The following CACNA2D1 variants were observed in gnomAD, a reference collection of about 807,000 sequenced individuals.
The protein encoded by CACNA2D1 is voltage-dependent calcium channel subunit alpha-2/delta-1.
In CACNA2D1, 53 loss-of-function variants were observed where a neutral mutation model predicts 171.5. That is an observed-to-expected ratio of 0.31 (90% CI 0.25 to 0.39). The LOEUF is 0.39. Among genes scored for constraint, CACNA2D1 ranks in the 10% least tolerant of loss-of-function variants. CACNA2D1 has a pLI of 1.00. For synonymous variants in CACNA2D1, 442 were observed against 443.1 expected, an observed-to-expected ratio of 1.00 and a Z score of 0.03; for missense variants, 903 against 1,299.8, an observed-to-expected ratio of 0.69 and a Z score of 4.69.
intron 3 of CACNA2D1, among the ~76,000 whole-genome samples, chr7:82,310,472 CG>C (rs1424306033): frequency 3.6e-4 from 54 of 151,624 alleles, no homozygotes; most frequent in Admixed American, 2.6e-4. Context: ...AAATTTTATG[CG>C]GTTAAATGGA....
intron 3 of CACNA2D1, among the ~76,000 whole-genome samples, chr7:82,222,825 G>A (rs1245403521): frequency 6.6e-6 from 1 of 150,948 alleles, no homozygotes; most frequent in Non-Finnish European, 1.5e-5. Flanking sequence ...TTGAATGAAT[G>A]AATATCCAAA....
intron 3 of CACNA2D1, among the ~76,000 whole-genome samples, chr7:82,219,626 A>G (rs1469937295): frequency 2.6e-5 from 4 of 152,152 alleles, no homozygotes; most frequent in African/African-American, 9.6e-5. Context: ...TTTTCTTTGA[A>G]GAGCAAAGAC....
At chr7:82,015,787 G>A (rs761510409) in intron 12 of CACNA2D1, among the ~76,000 whole-genome samples, 7 of 152,176 alleles carry the variant, frequency 4.6e-5, no homozygotes, top group East Asian at 1.9e-4. Flanking sequence ...TGATTTCAGA[G>A]TACAAATCTC....
At chr7:82,259,505 A>T (rs1317575477) in intron 3 of CACNA2D1, among the ~76,000 whole-genome samples, 1 of 152,236 alleles carries the variant, frequency 6.6e-6, no homozygotes, top group Non-Finnish European at 1.5e-5. Context: ...CTATGGTAAC[A>T]CATTTGAGTT....
intron 3 of CACNA2D1, among the ~76,000 whole-genome samples, chr7:82,241,252 A>G (rs1053914942): frequency 6.6e-6 from 1 of 152,224 alleles, no homozygotes; most frequent in Non-Finnish European, 1.5e-5. Flanking sequence ...AATAGTTTAC[A>G]TTAACAGATT....
At chr7:82,325,420 A>T (rs1356964652) in intron 3 of CACNA2D1, among the ~76,000 whole-genome samples, 1 of 152,306 alleles carries the variant, frequency 6.6e-6, no homozygotes, top group South Asian at 2.1e-4. Context: ...ACTTTAAAAG[A>T]CTTGAAAATA....
intron 1 of CACNA2D1, among the ~76,000 whole-genome samples, chr7:82,432,317 A>G (rs1402438388): frequency 6.6e-6 from 1 of 152,182 alleles, no homozygotes; most frequent in Non-Finnish European, 1.5e-5. Context: ...CCACACTGCA[A>G]TGGTACCAAT....
Position 82,094,575 on chromosome 7 carries a change from T to C in CACNA2D1, c.527-9675A>G, listed in dbSNP as rs531453686. 1.7e-4 allele frequency among the ~76,000 whole-genome samples: 26 copies of C among 152,348 alleles called. No homozygotes were observed. The South Asian group carries it at 1.9e-3, about 11-fold the overall frequency. ...TTGACACATTAAATTTACAAGTCCT[T>C]GCTCGTGTATTACTCAGCAGATCTT... is the stretch of plus-strand genomic sequence containing the variant. On this transcript the variant is annotated intron_variant, in intron 6 of 38. Coordinates refer to ENST00000356860, the MANE Select transcript of CACNA2D1 (RefSeq NM_000722.4).
chr7:82,340,815 C>A (rs1199602082), intron 2 of CACNA2D1, among the ~76,000 whole-genome samples: 6 of 152,036 alleles, frequency 3.9e-5, no homozygotes, highest in Admixed American at 6.6e-5. Flanking sequence ...TAAAACTAGA[C>A]AAACTGGATA....
intron 1 of CACNA2D1, among the ~76,000 whole-genome samples, chr7:82,434,308 G>A (rs992665715): frequency 6.6e-6 from 1 of 151,940 alleles, no homozygotes; most frequent in Admixed American, 6.6e-5. Flanking sequence ...AATCCCAAAC[G>A]GCCTAATATT....
At chr7:82,237,049 C>T (rs2129288638) in intron 3 of CACNA2D1, among the ~76,000 whole-genome samples, 1 of 151,972 alleles carries the variant, frequency 6.6e-6, no homozygotes, top group African/African-American at 2.4e-5. Context: ...CATAAACCAG[C>T]ACTTGTAAAA....
chr7:81,991,364 A>T (rs1370382481), intron 20 of CACNA2D1, 118 bp from the exon 21 acceptor site: 2 of 656,018 alleles, frequency 3.0e-6, no homozygotes, highest in South Asian at 1.8e-5. Context: ...ATCTTTACAA[A>T]GGTATGATCT....
At chr7:82,254,163 A>T (rs2129320226) in intron 3 of CACNA2D1, among the ~76,000 whole-genome samples, 1 of 152,284 alleles carries the variant, frequency 6.6e-6, no homozygotes, top group South Asian at 2.1e-4. Context: ...CAATTTGGTT[A>T]ATTCTTTTTC....
chr7:82,413,303 T>C (rs527633347), intron 1 of CACNA2D1, among the ~76,000 whole-genome samples: 63 of 152,324 alleles, frequency 4.1e-4, no homozygotes, highest in African/African-American at 1.5e-3. Flanking sequence ...GAAAATGGGT[T>C]ATCAGCAAGT....
rs199508976 is a variant in CACNA2D1 at position 81,974,584 on chromosome 7, T to C, written c.1956-32A>G. ...AAAAAACATTTTGAGATATTAGATA[T>C]TAAAATCAAAACTTTACAGGGTAAT... On this transcript the variant is annotated intron_variant, in intron 24 of 38. Coordinates refer to ENST00000356860, the MANE Select transcript of CACNA2D1 (RefSeq NM_000722.4). 5.1e-6 allele frequency: 6 copies of C among 1,166,620 alleles called. No individual in the cohort carries two copies. The Admixed American group carries it at 9.0e-5, about 17-fold the overall frequency. 72.3% of individuals were successfully genotyped at this position (1,166,620 alleles called of 1,614,324 possible). A position where few individuals can be genotyped will look rare whatever the true frequency, so the allele number is the denominator to read the frequency against.
At position 81,949,125 on chromosome 7, in the gene CACNA2D1, A is replaced by G. The variant is rs1562756993; in HGVS notation, c.*1267T>C. 6.6e-6 allele frequency: 1 copy of G among 152,058 alleles called. No homozygotes were observed. The highest frequency in any genetic ancestry group is 1.5e-5 in the Non-Finnish European group (1 of 67,948). The allele number at this position is 152,058 out of a possible 1,614,324, so 9.4% of individuals were successfully genotyped here. Reference sequence around the variant, plus strand: ...GAACTTTTGGATTGTATGTGCTACTATTGAAACGAACAAAGAGGAAACCTA... The same window carrying G: ...GAACTTTTGGATTGTATGTGCTACTGTTGAAACGAACAAAGAGGAAACCTA... On this transcript the variant is annotated 3_prime_UTR_variant, in exon 39 of 39. Transcript: ENST00000356860.
intron 3 of CACNA2D1, among the ~76,000 whole-genome samples, chr7:82,302,574 C>G (rs1175151474): frequency 6.6e-6 from 1 of 151,918 alleles, no homozygotes; most frequent in African/African-American, 2.4e-5. Context: ...CCACCACACC[C>G]GGGTAATTTT....
At chr7:82,099,032 A>G (rs1812291285) in intron 6 of CACNA2D1, among the ~76,000 whole-genome samples, 1 of 152,212 alleles carries the variant, frequency 6.6e-6, no homozygotes, top group Non-Finnish European at 1.5e-5. Context: ...TTATACTGAA[A>G]TGAATTTTAC....
At chr7:82,434,320 A>G (rs909009595) in intron 1 of CACNA2D1, among the ~76,000 whole-genome samples, 1 of 152,150 alleles carries the variant, frequency 6.6e-6, no homozygotes, top group Admixed American at 6.5e-5. Flanking sequence ...CCTAATATTA[A>G]CTTACTATTT....
Sources: allele counts gnomAD v4.1 joint callset (sites outside exome capture counted in the v4.1 genomes callset), GRCh38; gene constraint gnomAD v4.1.1; transcripts MANE v1.5; gene names NCBI Gene and HGNC (gene_info 2026-07-23, HGNC 2026-07-21).